Variants in SCRN1 observed in about 807,000 individuals in gnomAD.
SCRN1 encodes secernin-1.
In SCRN1, 19 loss-of-function variants were observed where a neutral mutation model predicts 43.3. That is an observed-to-expected ratio of 0.44 (90% CI 0.31 to 0.64). The LOEUF (loss-of-function observed/expected upper bound fraction) is 0.64. Ranked by LOEUF, SCRN1 falls within the 30% of genes least tolerant of loss-of-function variation. SCRN1 has a pLI of 0.09. For synonymous variants in SCRN1, 183 were observed against 188.9 expected, an observed-to-expected ratio of 0.97 and a Z score of 0.26; for missense variants, 447 against 524.1, an observed-to-expected ratio of 0.85 and a Z score of 1.44.
intron 1 of SCRN1, chr7:29,988,466 C>G (rs561335885): frequency 6.6e-6 from 1 of 152,492 alleles, no homozygotes; most frequent in East Asian, 1.9e-4. Context: ...CTACTCCATA[C>G]CCGGATGAGC....
chr7:29,970,146 G>A (rs1583690503), intron 1 of SCRN1, among the ~76,000 whole-genome samples: 3 of 152,278 alleles, frequency 2.0e-5, no homozygotes, highest in East Asian at 3.9e-4. Flanking sequence ...CTTTTAGAAG[G>A]AAGATTTGAT....
intron 1 of SCRN1, among the ~76,000 whole-genome samples, chr7:29,987,455 GT>G (rs1346430546): frequency 6.6e-6 from 1 of 152,172 alleles, no homozygotes; most frequent in Non-Finnish European, 1.5e-5. Context: ...TGGCCTAATG[GT>G]TCTCCACAAA....
chr7:29,961,865 A>G (rs929560885), intron 2 of SCRN1, among the ~76,000 whole-genome samples: 4 of 152,140 alleles, frequency 2.6e-5, no homozygotes, highest in African/African-American at 9.7e-5. Flanking sequence ...TTACTCTTCT[A>G]GTCTTAAATA....
At chr7:29,986,236 G>T (rs911772595) in intron 1 of SCRN1, among the ~76,000 whole-genome samples, 2 of 152,242 alleles carry the variant, frequency 1.3e-5, no homozygotes, top group African/African-American at 4.8e-5. Context: ...GCCCTGTCTC[G>T]AGAGAGAGCA....
intron 5 of SCRN1, among the ~76,000 whole-genome samples, chr7:29,937,583 G>T (rs1327534492): frequency 6.6e-6 from 1 of 152,056 alleles, no homozygotes; most frequent in South Asian, 2.1e-4. Context: ...CACCAAACTC[G>T]CTCCCATAAA....
At chr7:29,987,642 T>C (rs1789202719) in intron 1 of SCRN1, among the ~76,000 whole-genome samples, 1 of 152,250 alleles carries the variant, frequency 6.6e-6, no homozygotes, top group Non-Finnish European at 1.5e-5. Flanking sequence ...GTGTTGTCAT[T>C]GACTTTAAAC....
At chr7:29,960,395 T>C (rs1482909603) in intron 2 of SCRN1, among the ~76,000 whole-genome samples, 1 of 150,252 alleles carries the variant, frequency 6.7e-6, no homozygotes, top group African/African-American at 2.4e-5. Flanking sequence ...AAATTTAAGC[T>C]AATTTGAAAA....
In SCRN1 at chr7:29,989,664, C is replaced by G. The variant is rs887754412; in HGVS notation, c.-24G>C. The G allele has an allele frequency of 1.0e-4, 103 of 985,672 alleles. No individual in the cohort carries two copies. Among genetic ancestry groups the G allele is most frequent in the Non-Finnish European group, 1.2e-4 (103 of 830,124 alleles). 61.1% of individuals were successfully genotyped at this position (985,672 alleles called of 1,614,324 possible). A position where few individuals can be genotyped will look rare whatever the true frequency, so the allele number is the denominator to read the frequency against. ...CACCTGGGGCGGCGGGCTCCGGGCT[C>G]CGCTCTCCGCTCTGCGGTGCTGAGG... On this transcript the variant is annotated 5_prime_UTR_variant, in exon 1 of 8. Coordinates refer to ENST00000242059, the MANE Select transcript of SCRN1 (RefSeq NM_014766.5).
rs187932982 is a variant in SCRN1 at position 29,964,920 on chromosome 7, C to T, written c.159+3989G>A. 2.8e-3 allele frequency among the ~76,000 whole-genome samples: 428 copies of T among 151,348 alleles called. 2 individuals carry two copies. Among genetic ancestry groups the T allele is most frequent in the Admixed American group, 5.1e-3 (77 of 15,188 alleles). On this transcript the variant is annotated intron_variant, in intron 2 of 7. Transcript: ENST00000242059. ...TTGTGCAACTGCACTCTAGCCTGGG[C>T]GACAAAGCTAGACTCTGTCTCAAAA...
At chr7:29,932,402 C>G (rs78605390) in intron 6 of SCRN1, among the ~76,000 whole-genome samples, 2,398 of 152,118 alleles carry the variant, frequency 0.016, 42 homozygotes, top group East Asian at 0.068. Context: ...TATACTGGCC[C>G]AGCACTTTGG....
chr7:29,933,376 C>T (rs1787223951), intron 6 of SCRN1, among the ~76,000 whole-genome samples: 2 of 152,156 alleles, frequency 1.3e-5, no homozygotes, highest in African/African-American at 4.8e-5. Context: ...AAGAGAGGCT[C>T]TCTTCACAAT....
At chr7:29,984,222 A>G (rs1039228338) in intron 1 of SCRN1, among the ~76,000 whole-genome samples, 25 of 148,096 alleles carry the variant, frequency 1.7e-4, no homozygotes, top group Non-Finnish European at 2.4e-4. Flanking sequence ...AAAAAAAAAA[A>G]AAAGAAATCT....
chr7:29,941,020 G>A (rs1787526614), intron 4 of SCRN1, 144 bp from the exon 5 acceptor site: 3 of 658,888 alleles, frequency 4.6e-6, no homozygotes, highest in South Asian at 3.3e-5. Flanking sequence ...GAGAGAAACA[G>A]ACAATCATTG....
At chr7:29,940,592 G>T in intron 5 of SCRN1, 90 bp downstream of exon 5, 2 of 1,256,286 alleles carry the variant, frequency 1.6e-6, no homozygotes, top group Admixed American at 2.6e-5. Context: ...ATTCCTTTTT[G>T]TTCACCCTTC....
chr7:29,965,508 C>T lies in SCRN1; in HGVS notation c.159+3401G>A, dbSNP rs1788458399. On this transcript the variant is annotated intron_variant, in intron 2 of 7. Transcript: ENST00000242059. This position sits in a 1 kb window ranked among gnomAD's most constrained non-coding sequence, Gnocchi z 4.2. ...GGGGGAAGTGAGGGTCGACGTTTCC[C>T]GTGGGCTTCTAGTATAAACTACGTG... 6.6e-6 allele frequency among the ~76,000 whole-genome samples: 1 copy of T among 152,128 alleles called. No homozygotes were observed. The highest frequency in any genetic ancestry group is 1.5e-5 in the Non-Finnish European group (1 of 68,036).
In SCRN1 at chr7:29,965,776, C is replaced by G. The variant is rs1788466694; in HGVS notation, c.159+3133G>C. On this transcript the variant is annotated intron_variant, in intron 2 of 7. Transcript: ENST00000242059. This position sits in a 1 kb window ranked among gnomAD's most constrained non-coding sequence, Gnocchi z 4.2. The stretch of plus-strand genomic sequence containing the variant: ...TTTAACCTAAATATATCTGAGTAAT[C>G]ATATACCATAGGTTAACTAGCAAAA... 6.6e-6 allele frequency among the ~76,000 whole-genome samples: 1 copy of G among 152,078 alleles called. No individual in the cohort carries two copies. Among genetic ancestry groups the G allele is most frequent in the African/African-American group, 2.4e-5 (1 of 41,380 alleles).
intron 6 of SCRN1, among the ~76,000 whole-genome samples, chr7:29,935,995 T>C (rs1008424579): frequency 6.6e-6 from 1 of 152,180 alleles, no homozygotes; most frequent in Non-Finnish European, 1.5e-5. Flanking sequence ...GCATTCTTCA[T>C]CCCTGTGTAA....
At chr7:29,932,750 G>A (rs924525872) in intron 6 of SCRN1, among the ~76,000 whole-genome samples, 4 of 151,406 alleles carry the variant, frequency 2.6e-5, no homozygotes, top group African/African-American at 9.7e-5. Flanking sequence ...AGGTGGGGTA[G>A]AGGGGAATGT....
intron 1 of SCRN1, among the ~76,000 whole-genome samples, chr7:29,982,015 T>C (rs1172643878): frequency 6.6e-6 from 1 of 152,188 alleles, no homozygotes; most frequent in Non-Finnish European, 1.5e-5. Flanking sequence ...AGGCCTGTGG[T>C]TGATATACTC....
Sources: allele counts gnomAD v4.1 joint callset (sites outside exome capture counted in the v4.1 genomes callset), GRCh38; gene constraint gnomAD v4.1.1; non-coding constraint Gnocchi (gnomAD v3.1); transcripts MANE v1.5; gene names NCBI Gene and HGNC (gene_info 2026-07-23, HGNC 2026-07-21).